ADAP2: variants seen among roughly 807,000 people sequenced by gnomAD.
ADAP2 encodes ArfGAP with dual PH domains 2, also known as arf-GAP with dual PH domain-containing protein 2.
A neutral mutation model predicts 54.9 loss-of-function variants in ADAP2; 42 were observed. That is an observed-to-expected ratio of 0.77 (90% CI 0.60 to 0.99). The LOEUF is 0.99. Among genes scored for constraint, ADAP2 ranks in the 50% least tolerant of loss-of-function variants. ADAP2 has a pLI of 0.00. For synonymous variants in ADAP2, 177 were observed against 180.1 expected (o/e 0.98, Z 0.14); for missense variants, 429 against 480.4 (o/e 0.89, Z 1.00).
At chr17:30,947,500 T>G (rs912752510) in intron 6 of ADAP2, among the ~76,000 whole-genome samples, 1 of 152,150 alleles carries the variant, frequency 6.6e-6, no homozygotes, top group African/African-American at 2.4e-5. Context: ...ATTACAGGCA[T>G]GTACCACCAT....
At chr17:30,925,912 T>A (rs1207617527) in intron 2 of ADAP2, among the ~76,000 whole-genome samples, 2 of 152,112 alleles carry the variant, frequency 1.3e-5, no homozygotes, top group African/African-American at 4.8e-5. Context: ...TGTATTTTTT[T>A]AGTAGAGACA....
intron 5 of ADAP2, among the ~76,000 whole-genome samples, chr17:30,939,741 A>G (rs898502399): frequency 1.3e-5 from 2 of 151,002 alleles, no homozygotes; most frequent in South Asian, 2.1e-4. Context: ...ACTGCACTCC[A>G]GCCTGGGCGA....
chr17:30,922,031 G>A lies in ADAP2; in HGVS notation c.17G>A (p.Arg6His), dbSNP rs1035040192. 2 of 1,276,584 alleles carry A rather than the reference G, an allele frequency of 1.6e-6. No homozygotes were observed. Among genetic ancestry groups the A allele is most frequent in the Non-Finnish European group, 9.8e-7 (1 of 1,016,100 alleles). The allele number at this position is 1,276,584 out of a possible 1,614,324, so 79.1% of individuals were successfully genotyped here. The change falls in exon 1 of 11, where the codon CGC becomes CAC. Residue 6 changes from arginine to histidine, a missense_variant. Physicochemically the swap from Arg to His is conservative, Grantham distance 29. Coordinates refer to ENST00000330889, the MANE Select transcript of ADAP2 (RefSeq NM_018404.3). MGDRE[R>H]NKKRLLELLR... ...GGGCCGGCCATGGGCGATCGCGAGC[G>A]CAACAAGAAGCGGCTGCTGGAGCTG...
rs918651246 is a variant in ADAP2, at chr17:30,923,153, G to T, written c.225+83G>T. 9.2e-5 allele frequency: 140 copies of T among 1,522,954 alleles called. 2 individuals carry two copies. In the South Asian group the frequency reaches 1.4e-3, roughly 15 times the overall value. 94.3% of individuals were successfully genotyped at this position (1,522,954 alleles called of 1,614,324 possible). A position where few individuals can be genotyped will look rare whatever the true frequency, so the allele number is the denominator to read the frequency against. The stretch of plus-strand genomic sequence containing the variant: ...GGCAGGGGGCTCCCATTCTACAGAG[G>T]GGGAAACTGAGAACCAGAGAGGGGC... On this transcript the variant is annotated intron_variant, in intron 2 of 10. Transcript: ENST00000330889.
At position 30,958,035 on chromosome 17, in the gene ADAP2, G is replaced by T; in HGVS notation, c.*166G>T. On this transcript the variant is annotated 3_prime_UTR_variant, in exon 11 of 11. Transcript: ENST00000330889. ...CTGTGGCTTTATCCATCAGCTCCCT[G>T]GGCCTTCCCCGCAACCCACCTCGGG... 1.5e-6 allele frequency: 1 copy of T among 682,332 alleles called. No homozygotes were observed. Among genetic ancestry groups the T allele is most frequent in the South Asian group, 1.7e-5 (1 of 58,106 alleles). 42.3% of individuals were successfully genotyped at this position (682,332 alleles called of 1,614,324 possible). A position where few individuals can be genotyped will look rare whatever the true frequency, so the allele number is the denominator to read the frequency against.
chr17:30,931,066 G>A (rs1361144447), intron 3 of ADAP2, among the ~76,000 whole-genome samples: 6 of 152,104 alleles, frequency 3.9e-5, no homozygotes, highest in Non-Finnish European at 8.8e-5. Flanking sequence ...ATCCTAAGAC[G>A]ACTGCTTTGT....
intron 5 of ADAP2, among the ~76,000 whole-genome samples, chr17:30,935,761 T>A (rs73989923): frequency 0.064 from 9,701 of 152,170 alleles, 870 homozygotes; most frequent in African/African-American, 0.2. Flanking sequence ...ACCCTGGCCC[T>A]GAGCTAGAAG....
At chr17:30,935,926 A>G (rs530328519) in intron 5 of ADAP2, among the ~76,000 whole-genome samples, 5 of 152,302 alleles carry the variant, frequency 3.3e-5, no homozygotes, top group African/African-American at 4.8e-5. Flanking sequence ...TTGAGATACA[A>G]TTCACATACC....
intron 2 of ADAP2, among the ~76,000 whole-genome samples, chr17:30,923,676 T>C (rs1313646764): frequency 6.7e-6 from 1 of 148,876 alleles, no homozygotes; most frequent in Non-Finnish European, 1.5e-5. Flanking sequence ...CCACCATTTC[T>C]CTTTTTTTCT....
At chr17:30,935,623 G>A (rs1911815940) in intron 5 of ADAP2, among the ~76,000 whole-genome samples, 1 of 152,218 alleles carries the variant, frequency 6.6e-6, no homozygotes, top group African/African-American at 2.4e-5. Context: ...ACCGATTTGA[G>A]AAAGATGATC....
chr17:30,930,364 G>A (rs755522458), intron 3 of ADAP2, among the ~76,000 whole-genome samples: 16 of 152,070 alleles, frequency 1.1e-4, no homozygotes, highest in East Asian at 3.9e-4. Flanking sequence ...GAGCCACTGC[G>A]CCTGGCCAGA....
intron 8 of ADAP2, among the ~76,000 whole-genome samples, chr17:30,953,894 C>T (rs567656717): frequency 1.7e-3 from 262 of 150,902 alleles, no homozygotes; most frequent in African/African-American, 6.3e-3. Flanking sequence ...TTTTTTTTGG[C>T]TCATCAGCTA....
chr17:30,951,742 G>A (rs756274359), intron 7 of ADAP2, among the ~76,000 whole-genome samples: 6 of 145,838 alleles, frequency 4.1e-5, no homozygotes, highest in South Asian at 2.2e-4. Context: ...TGCAAGCTCC[G>A]CCTCCCAGGT....
intron 5 of ADAP2, among the ~76,000 whole-genome samples, chr17:30,941,238 T>C (rs1445522586): frequency 6.6e-6 from 1 of 152,244 alleles, no homozygotes; most frequent in African/African-American, 2.4e-5. Context: ...TAGCTATTGT[T>C]TGTGCTGTTA....
At chr17:30,940,444 A>G (rs961150520) in intron 5 of ADAP2, among the ~76,000 whole-genome samples, 2 of 152,012 alleles carry the variant, frequency 1.3e-5, no homozygotes, top group African/African-American at 2.4e-5. Flanking sequence ...AGCTGGGATT[A>G]CAGGCGTTGG....
intron 2 of ADAP2, among the ~76,000 whole-genome samples, chr17:30,925,139 C>T (rs1266619329): frequency 1.3e-5 from 2 of 151,246 alleles, no homozygotes; most frequent in African/African-American, 4.9e-5. Context: ...CCGCCTCGGC[C>T]TCCCAAAGTG....
chr17:30,930,360 C>T (rs1911384827), intron 3 of ADAP2, among the ~76,000 whole-genome samples: 1 of 152,126 alleles, frequency 6.6e-6, no homozygotes, highest in Non-Finnish European at 1.5e-5. Flanking sequence ...GTGTGAGCCA[C>T]TGCGCCTGGC....
intron 7 of ADAP2, among the ~76,000 whole-genome samples, chr17:30,951,654 C>CTTTTT (rs1053982493): frequency 2.3e-3 from 273 of 120,902 alleles, no homozygotes; most frequent in Non-Finnish European, 3.7e-3. Flanking sequence ...CTTTTCTTTT[C>CTTTTT]TTTTTTTTTT....
intron 2 of ADAP2, among the ~76,000 whole-genome samples, chr17:30,924,418 G>C (rs1174278349): frequency 1.3e-5 from 2 of 151,998 alleles, no homozygotes; most frequent in African/African-American, 4.8e-5. Context: ...TCTTGGACTG[G>C]GGGAAGGGAA....
Sources: gnomAD v4.1 joint callset for allele counts (sites outside exome capture counted in the v4.1 genomes callset) on GRCh38, gnomAD v4.1.1 for gene constraint, MANE v1.5 for transcripts, NCBI Gene and HGNC (gene_info 2026-07-23, HGNC 2026-07-21) for gene names.